Variants in ANKS1B observed in about 807,000 individuals in gnomAD.
ANKS1B encodes the protein ankyrin repeat and sterile alpha motif domain containing 1B, also known as ankyrin repeat and sterile alpha motif domain-containing protein 1B.
ANKS1B carries 36 observed loss-of-function variants against 148.3 expected under a neutral mutation model. That is an observed-to-expected ratio of 0.24 (90% confidence interval 0.19 to 0.32). The LOEUF is 0.32. Ranked by LOEUF, ANKS1B falls within the 10% of genes least tolerant of loss-of-function variation. ANKS1B has a pLI of 1.00. For synonymous variants in ANKS1B, 542 were observed against 560.8 expected, an observed-to-expected ratio of 0.97 and a Z score of 0.47; for missense variants, 1,157 against 1,542.6, an observed-to-expected ratio of 0.75 and a Z score of 4.19.
At chr12:99,355,917 G>T (rs2091930022) in intron 12 of ANKS1B, among the ~76,000 whole-genome samples, 1 of 151,802 alleles carries the variant, frequency 6.6e-6, no homozygotes, top group Non-Finnish European at 1.5e-5. Context: ...CCTTTTCTCA[G>T]TGAAGAGAAA....
intron 10 of ANKS1B, among the ~76,000 whole-genome samples, chr12:99,500,597 C>T (rs1200287206): frequency 6.6e-6 from 1 of 152,054 alleles, no homozygotes; most frequent in Non-Finnish European, 1.5e-5. Context: ...TTTGGGGTGG[C>T]CTGTTAATAA....
Position 99,880,710 on chromosome 12 carries a change from T to A in ANKS1B, c.135-55321A>T, listed in dbSNP as rs545049138. 2.6e-5 allele frequency among the ~76,000 whole-genome samples: 4 copies of A among 152,330 alleles called. No individual in the cohort carries two copies. The East Asian group carries it at 7.7e-4, about 29-fold the overall frequency. On this transcript the variant is annotated intron_variant, in intron 1 of 26. Transcript: ENST00000683438. The stretch of plus-strand genomic sequence containing the variant: ...ATTGCTCCCAAATCATTCACTCTGA[T>A]TATATCCTTTATTACAGGGAAATGT...
chr12:99,112,411 A>G (rs1231889914), intron 15 of ANKS1B, among the ~76,000 whole-genome samples: 3 of 151,598 alleles, frequency 2.0e-5, no homozygotes, highest in Non-Finnish European at 4.4e-5. Context: ...TTCCTTTCCT[A>G]AGGCTTTTCT....
chr12:99,123,657 G>GT (rs1422894949), intron 15 of ANKS1B, among the ~76,000 whole-genome samples: 2 of 152,142 alleles, frequency 1.3e-5, no homozygotes, highest in Non-Finnish European at 2.9e-5. Flanking sequence ...CAAATCACTG[G>GT]TATAAGTGCA....
chr12:99,783,173 A>G (rs1409933542), intron 4 of ANKS1B, among the ~76,000 whole-genome samples: 1 of 151,272 alleles, frequency 6.6e-6, no homozygotes, highest in African/African-American at 2.4e-5. Context: ...CCTGGGTGAC[A>G]GAGTGAGAAT....
Position 98,971,895 on chromosome 12 carries a change from C to T in ANKS1B, c.2778+81262G>A, listed in dbSNP as rs113786650. Among the ~76,000 whole-genome samples the T allele has an allele frequency of 9.1e-4, 138 of 151,124 alleles. 1 individual carries two copies. Among genetic ancestry groups the T allele is most frequent in the Middle Eastern group, 3.4e-3 (1 of 294 alleles). The stretch of plus-strand genomic sequence containing the variant: ...AATTTCACAGTAGTGAGGCCAGGTG[C>T]GGTGGCTCATACCTGTAATTCTGGC... On this transcript the variant is annotated intron_variant, in intron 17 of 26. Coordinates refer to ENST00000683438, the MANE Select transcript of ANKS1B (RefSeq NM_001352186.2).
At chr12:99,779,491 A>G (rs1453513631) in intron 6 of ANKS1B, among the ~76,000 whole-genome samples, 1 of 152,228 alleles carries the variant, frequency 6.6e-6, no homozygotes, top group Non-Finnish European at 1.5e-5. Flanking sequence ...CATAGAAACC[A>G]AAGTAGTAGC....
At chr12:99,102,431 CTTCT>C (rs1296244148) in intron 15 of ANKS1B, among the ~76,000 whole-genome samples, 1 of 151,956 alleles carries the variant, frequency 6.6e-6, no homozygotes, top group Non-Finnish European at 1.5e-5. Flanking sequence ...TCTTCTTCTT[CTTCT>C]TTTTTTCACT....
At chr12:99,132,652 T>A (rs1484388305) in intron 15 of ANKS1B, among the ~76,000 whole-genome samples, 1 of 152,166 alleles carries the variant, frequency 6.6e-6, no homozygotes, top group Admixed American at 6.5e-5. Context: ...TATACATACA[T>A]GAAAAACAAA....
intron 8 of ANKS1B, among the ~76,000 whole-genome samples, chr12:99,764,268 A>G (rs2062436099): frequency 6.6e-6 from 1 of 152,238 alleles, no homozygotes; most frequent in Non-Finnish European, 1.5e-5. Context: ...TGATTCATGC[A>G]TAATTAATAC....
chr12:99,118,499 T>C (rs2061942563), intron 15 of ANKS1B, among the ~76,000 whole-genome samples: 1 of 152,204 alleles, frequency 6.6e-6, no homozygotes, highest in Admixed American at 6.5e-5. Context: ...CAGCGCCTGG[T>C]GTTCTAAATC....
chr12:99,620,503 T>C (rs934528469), intron 9 of ANKS1B, among the ~76,000 whole-genome samples: 2 of 152,020 alleles, frequency 1.3e-5, no homozygotes, highest in Admixed American at 1.3e-4. Context: ...ATCCAAAAAA[T>C]GGAGGAATAG....
intron 10 of ANKS1B, among the ~76,000 whole-genome samples, chr12:99,485,260 C>T (rs1303221240): frequency 1.3e-5 from 2 of 151,956 alleles, no homozygotes; most frequent in Non-Finnish European, 2.9e-5. Flanking sequence ...ATTTCTTCTT[C>T]ATTTGTGAAA....
chr12:99,136,266 A>G (rs57084771), intron 15 of ANKS1B, among the ~76,000 whole-genome samples: 38,453 of 151,966 alleles, frequency 0.25, 6,174 homozygotes, highest in African/African-American at 0.45. Flanking sequence ...GAGTTGGCAT[A>G]GAAGCAGAGA....
intron 14 of ANKS1B, among the ~76,000 whole-genome samples, chr12:99,228,351 G>C (rs188969336): frequency 4.6e-5 from 7 of 152,234 alleles, no homozygotes; most frequent in African/African-American, 1.7e-4. Flanking sequence ...AGAAGAATGA[G>C]TGTCAGAGAA....
chr12:99,155,838 G>A (rs1330523181), intron 14 of ANKS1B, among the ~76,000 whole-genome samples: 1 of 152,124 alleles, frequency 6.6e-6, no homozygotes, highest in East Asian at 1.9e-4. Flanking sequence ...CTGTAACAGA[G>A]CTCTTACTAC....
intron 10 of ANKS1B, among the ~76,000 whole-genome samples, chr12:99,468,864 T>C (rs1294227692): frequency 6.6e-6 from 1 of 152,110 alleles, no homozygotes; most frequent in African/African-American, 2.4e-5. Context: ...AGTTCAACCA[T>C]TGTGGAAGTC....
chr12:98,882,839 A>G (rs1381848680), intron 17 of ANKS1B, among the ~76,000 whole-genome samples: 4 of 152,196 alleles, frequency 2.6e-5, no homozygotes, highest in Admixed American at 2.6e-4. Context: ...GCCAAAATGT[A>G]TATTAAGATA....
intron 8 of ANKS1B, among the ~76,000 whole-genome samples, chr12:99,668,518 C>A (rs2098520706): frequency 6.6e-6 from 1 of 151,966 alleles, no homozygotes; most frequent in Non-Finnish European, 1.5e-5. Flanking sequence ...ACTGCACTAG[C>A]TTTACCTACA....
Sources: gnomAD v4.1 joint callset for allele counts (sites outside exome capture counted in the v4.1 genomes callset) on GRCh38, gnomAD v4.1.1 for gene constraint, MANE v1.5 for transcripts, NCBI Gene and HGNC (gene_info 2026-07-23, HGNC 2026-07-21) for gene names.